The following PDLIM5 variants were observed in gnomAD, a reference collection of about 807,000 sequenced individuals.
PDLIM5 encodes the protein PDZ and LIM domain 5.
A neutral mutation model predicts 64.2 loss-of-function variants in PDLIM5; 34 were observed. That is an observed-to-expected ratio of 0.53 (90% CI 0.40 to 0.71). The LOEUF is 0.71. PDLIM5 is among the 30% of genes least tolerant of loss of function. The pLI is 0.00. For missense variants in PDLIM5, 683 were observed against 733.6 expected (o/e 0.93, Z 0.80); for synonymous variants, 253 against 269.1 (o/e 0.94, Z 0.59).
intron 2 of PDLIM5, among the ~76,000 whole-genome samples, chr4:94,473,507 G>A (rs994569700): frequency 5.9e-5 from 9 of 152,116 alleles, no homozygotes; most frequent in Non-Finnish European, 7.4e-5. Flanking sequence ...TGATCCACCC[G>A]CCTTGGCCTC....
intron 4 of PDLIM5, chr4:94,573,628 T>G: frequency 7.9e-6 from 4 of 505,256 alleles, no homozygotes; most frequent in Admixed American, 3.4e-5. Flanking sequence ...CAATAACTTA[T>G]GTCAGATTTC....
chr4:94,487,945 G>A (rs17021605), intron 2 of PDLIM5, among the ~76,000 whole-genome samples: 3,471 of 152,126 alleles, frequency 0.023, 132 homozygotes, highest in African/African-American at 0.08. Flanking sequence ...CTAGGGAGTG[G>A]GTCTTAAGAA....
At chr4:94,554,836 A>G (rs1032840511) in intron 3 of PDLIM5, among the ~76,000 whole-genome samples, 10 of 152,194 alleles carry the variant, frequency 6.6e-5, no homozygotes, top group African/African-American at 9.7e-5. Context: ...ATGGTCCTCA[A>G]TTTACAAAGG....
At chr4:94,496,664 A>G (rs1429473966) in intron 2 of PDLIM5, among the ~76,000 whole-genome samples, 2 of 151,930 alleles carry the variant, frequency 1.3e-5, no homozygotes, top group African/African-American at 4.8e-5. Flanking sequence ...TAATTTTTAT[A>G]TTTTTTGTAG....
chr4:94,625,400 T>C (rs1298487119), intron 8 of PDLIM5, among the ~76,000 whole-genome samples: 1 of 152,098 alleles, frequency 6.6e-6, no homozygotes, highest in African/African-American at 2.4e-5. Context: ...TATTAGTTGA[T>C]ATGATATTAT....
intron 2 of PDLIM5, among the ~76,000 whole-genome samples, chr4:94,510,155 A>G (rs1373370426): frequency 6.6e-6 from 1 of 152,206 alleles, no homozygotes; most frequent in Non-Finnish European, 1.5e-5. Flanking sequence ...CTTTAGATGA[A>G]TTCTTTCTAA....
intron 3 of PDLIM5, among the ~76,000 whole-genome samples, chr4:94,542,434 G>A (rs1213571367): frequency 1.3e-5 from 2 of 152,174 alleles, no homozygotes; most frequent in Non-Finnish European, 2.9e-5. Context: ...TGTTTATTAA[G>A]GGGTACATTT....
At chr4:94,564,395 C>A (rs916519939) in intron 3 of PDLIM5, among the ~76,000 whole-genome samples, 1 of 152,170 alleles carries the variant, frequency 6.6e-6, no homozygotes, top group African/African-American at 2.4e-5. Flanking sequence ...TTCCTGGAAC[C>A]TTTCTAGCCC....
intron 8 of PDLIM5, among the ~76,000 whole-genome samples, chr4:94,636,825 G>A (rs114771628): frequency 0.025 from 3,804 of 152,180 alleles, 163 homozygotes; most frequent in East Asian, 0.15. Flanking sequence ...GTGAGCCACC[G>A]CGCCGGGCCA....
intron 2 of PDLIM5, chr4:94,456,633 A>T: frequency 1.2e-6 from 1 of 831,472 alleles, no homozygotes; most frequent in Non-Finnish European, 1.9e-6. Flanking sequence ...CATTTAACCA[A>T]TCCCCTACTG....
intron 3 of PDLIM5, among the ~76,000 whole-genome samples, chr4:94,556,949 C>T (rs1018100844): frequency 1.3e-5 from 2 of 152,134 alleles, no homozygotes; most frequent in Admixed American, 6.6e-5. Context: ...GTTGCCATTG[C>T]TTTTGGTGTT....
At chr4:94,459,105 C>T (rs564639544) in intron 2 of PDLIM5, among the ~76,000 whole-genome samples, 161 of 152,230 alleles carry the variant, frequency 1.1e-3, no homozygotes, top group African/African-American at 3.7e-3. Flanking sequence ...TATTTTATAA[C>T]AAGAAATAGG....
chr4:94,523,958 A>G, intron 3 of PDLIM5, 83 bp downstream of exon 3: 15 of 935,008 alleles, frequency 1.6e-5, no homozygotes, highest in Non-Finnish European at 2.3e-5. Flanking sequence ...GGTGTTAACT[A>G]AGACTCAGTT....
chr4:94,459,537 C>A (rs906486597), intron 2 of PDLIM5, among the ~76,000 whole-genome samples: 3 of 152,184 alleles, frequency 2.0e-5, no homozygotes, highest in African/African-American at 7.2e-5. Flanking sequence ...AAACACTTTG[C>A]TATGAATTCA....
At chr4:94,533,694 A>T (rs1303467201) in intron 3 of PDLIM5, among the ~76,000 whole-genome samples, 2 of 152,212 alleles carry the variant, frequency 1.3e-5, no homozygotes, top group African/African-American at 4.8e-5. Flanking sequence ...AGAACCTAGG[A>T]CATAATAAAG....
At chr4:94,584,928 T>C in intron 5 of PDLIM5, 1 of 1,139,216 alleles carries the variant, frequency 8.8e-7, no homozygotes, top group Non-Finnish European at 1.3e-6. Context: ...TCATTTTCCT[T>C]TCCTTTTTCT....
At chr4:94,605,521 A>G (rs1401237703) in intron 7 of PDLIM5, among the ~76,000 whole-genome samples, 3 of 152,232 alleles carry the variant, frequency 2.0e-5, no homozygotes, top group Non-Finnish European at 4.4e-5. Flanking sequence ...TGCTGCAGAT[A>G]TGCTATTAAT....
chr4:94,542,066 C>T (rs1309647079), intron 3 of PDLIM5, among the ~76,000 whole-genome samples: 1 of 152,108 alleles, frequency 6.6e-6, no homozygotes, highest in Non-Finnish European at 1.5e-5. Flanking sequence ...AATCCCAGCA[C>T]TTTGGAAGGC....
chr4:94,643,906 T>C lies in PDLIM5; in HGVS notation c.1283+3456T>C, dbSNP rs910180841. ...CAGTCTCTGAGCACCCCTTTATTTA[T>C]AGGTTTTATTTATCATCCCCACTAA... is the stretch of plus-strand genomic sequence containing the variant. On this transcript the variant is annotated intron_variant, in intron 9 of 12. Transcript: ENST00000317968. 2.0e-5 allele frequency among the ~76,000 whole-genome samples: 3 copies of C among 152,336 alleles called. No homozygotes were observed. In the East Asian group the frequency reaches 5.8e-4, roughly 29 times the overall value.
Sources: gnomAD v4.1 joint callset for allele counts (sites outside exome capture counted in the v4.1 genomes callset) on GRCh38, gnomAD v4.1.1 for gene constraint, MANE v1.5 for transcripts, NCBI Gene and HGNC (gene_info 2026-07-23, HGNC 2026-07-21) for gene names.